The following ERBB4 variants were observed in gnomAD, a reference collection of about 807,000 sequenced individuals.
ERBB4 encodes receptor tyrosine-protein kinase erbB-4.
In ERBB4, 42 loss-of-function variants were observed where a neutral mutation model predicts 158.0. That is an observed-to-expected ratio of 0.27 (90% CI 0.21 to 0.34). The LOEUF is 0.34. Ranked by LOEUF, ERBB4 falls within the 10% of genes least tolerant of loss-of-function variation. The pLI, the probability that ERBB4 is intolerant of heterozygous loss-of-function variation, is 1.00. For missense variants in ERBB4, 1,333 were observed against 1,624.1 expected (o/e 0.82, Z 3.08); for synonymous variants, 583 against 558.7 (o/e 1.04, Z -0.61).
chr2:212,287,674 A>T (rs1056128805), intron 1 of ERBB4, among the ~76,000 whole-genome samples: 5 of 152,168 alleles, frequency 3.3e-5, no homozygotes, highest in Non-Finnish European at 7.3e-5. Flanking sequence ...ATGAAAAAAA[A>T]TAACTGCTTT....
At chr2:212,090,376 T>C (rs1418285804) in intron 2 of ERBB4, among the ~76,000 whole-genome samples, 1 of 152,158 alleles carries the variant, frequency 6.6e-6, no homozygotes, top group East Asian at 1.9e-4. Flanking sequence ...TAATTCTCCC[T>C]TACACACAGG....
intron 1 of ERBB4, among the ~76,000 whole-genome samples, chr2:212,288,730 A>G (rs2086096238): frequency 6.6e-6 from 1 of 152,096 alleles, no homozygotes; most frequent in Admixed American, 6.6e-5. Flanking sequence ...TAGCTCAACT[A>G]AAGACAAAGT....
At chr2:211,875,471 C>T (rs929404026) in intron 3 of ERBB4, among the ~76,000 whole-genome samples, 1 of 152,016 alleles carries the variant, frequency 6.6e-6, no homozygotes, top group African/African-American at 2.4e-5. Flanking sequence ...AAACAAGTAC[C>T]CAAATACAGT....
chr2:212,085,703 C>A (rs1283728440), intron 2 of ERBB4, among the ~76,000 whole-genome samples: 1 of 151,786 alleles, frequency 6.6e-6, no homozygotes, highest in Non-Finnish European at 1.5e-5. Context: ...TCATTAATGT[C>A]ACTTTAAAAC....
chr2:212,262,101 T>A (rs1185204425), intron 1 of ERBB4, among the ~76,000 whole-genome samples: 3 of 152,180 alleles, frequency 2.0e-5, no homozygotes, highest in Non-Finnish European at 4.4e-5. Flanking sequence ...ACTTTTTGGC[T>A]GTGTACTCTG....
At chr2:211,484,257 G>A (rs2065151309) in intron 20 of ERBB4, among the ~76,000 whole-genome samples, 1 of 152,040 alleles carries the variant, frequency 6.6e-6, no homozygotes, top group South Asian at 2.1e-4. Flanking sequence ...GTACACATAG[G>A]GAGAATAGAA....
intron 19 of ERBB4, among the ~76,000 whole-genome samples, chr2:211,601,437 G>A (rs939506439): frequency 1.6e-4 from 25 of 151,782 alleles, no homozygotes; most frequent in Non-Finnish European, 3.1e-4. Context: ...ATAAGTTTCC[G>A]GATTCAAAGT....
intron 5 of ERBB4, among the ~76,000 whole-genome samples, chr2:211,742,353 T>A (rs1289778449): frequency 6.6e-6 from 1 of 152,232 alleles, no homozygotes; most frequent in African/African-American, 2.4e-5. Context: ...AATTTGTCAT[T>A]TTGCTTTCAC....
At chr2:212,271,097 A>G (rs1051627212) in intron 1 of ERBB4, among the ~76,000 whole-genome samples, 1 of 151,822 alleles carries the variant, frequency 6.6e-6, no homozygotes, top group Non-Finnish European at 1.5e-5. Flanking sequence ...AGCAGTTATC[A>G]TATAATACAT....
At chr2:211,873,550 A>AT (rs1255695661) in intron 3 of ERBB4, among the ~76,000 whole-genome samples, 6 of 152,376 alleles carry the variant, frequency 3.9e-5, no homozygotes, top group South Asian at 2.1e-4. Context: ...ACACCTACAT[A>AT]TTTTTTTCCC....
At chr2:212,372,684 G>A (rs1275236686) in intron 1 of ERBB4, among the ~76,000 whole-genome samples, 10 of 152,178 alleles carry the variant, frequency 6.6e-5, no homozygotes, top group African/African-American at 2.4e-4. Flanking sequence ...GGGAGGCAGA[G>A]GTTGCGGTGA....
chr2:212,282,409 T>G (rs137932326), intron 1 of ERBB4, among the ~76,000 whole-genome samples: 188 of 152,048 alleles, frequency 1.2e-3, no homozygotes, highest in African/African-American at 4.4e-3. Context: ...TATTTCTCTT[T>G]ATCACAACTG....
At position 211,477,840 on chromosome 2, in the gene ERBB4, C is replaced by T. The variant is rs572907365; in HGVS notation, c.2488-46740G>A. 3.3e-5 allele frequency among the ~76,000 whole-genome samples: 5 copies of T among 152,138 alleles called. No individual in the cohort carries two copies. In the South Asian group the frequency reaches 1.0e-3, roughly 32 times the overall value. On this transcript the variant is annotated intron_variant, in intron 20 of 27. Coordinates refer to ENST00000342788, the MANE Select transcript of ERBB4 (RefSeq NM_005235.3). ...CTCTTTGCCTTTGTGGAACGACTGA[C>T]CTATTATTTATTAGAATAAGAATAT... is the stretch of plus-strand genomic sequence containing the variant.
At chr2:211,524,700 G>A (rs767091980) in intron 20 of ERBB4, among the ~76,000 whole-genome samples, 21 of 152,052 alleles carry the variant, frequency 1.4e-4, no homozygotes, top group East Asian at 3.9e-4. Flanking sequence ...ACGCCCACCC[G>A]GAACTCCAGC....
At chr2:211,889,848 T>G (rs1179886490) in intron 3 of ERBB4, among the ~76,000 whole-genome samples, 2 of 150,458 alleles carry the variant, frequency 1.3e-5, no homozygotes, top group Non-Finnish European at 3.0e-5. Flanking sequence ...GAAGGGAAGG[T>G]TAGAGAAAAA....
intron 1 of ERBB4, among the ~76,000 whole-genome samples, chr2:212,493,459 A>C (rs963936853): frequency 4.6e-5 from 7 of 151,576 alleles, no homozygotes; most frequent in Admixed American, 6.6e-5. Context: ...AAATATTGCT[A>C]ATATTGTTTA....
intron 1 of ERBB4, among the ~76,000 whole-genome samples, chr2:212,452,009 G>GGTTTTTTTTTTTTT (rs1270328511): frequency 7.2e-6 from 1 of 139,004 alleles, no homozygotes. Flanking sequence ...GAGTGTGCAG[G>GGTTTTTTTTTTTTT]TTTTTTTTTT....
intron 16 of ERBB4, among the ~76,000 whole-genome samples, chr2:211,649,579 A>G (rs1308853381): frequency 6.6e-6 from 1 of 151,906 alleles, no homozygotes; most frequent in Non-Finnish European, 1.5e-5. Context: ...TGCTCTGTTC[A>G]GGAAAAAACA....
rs1436455499 is a variant in ERBB4, at chr2:211,953,485, A to AG, written c.235-5870_235-5869insC. ...TTCTCCAAAAAAAAAAAAAAAAAAA[A>AG]AAGAAGAAGAAGAATGCCCTAGCAA... On this transcript the variant is annotated intron_variant, in intron 2 of 27. Coordinates refer to ENST00000342788, the MANE Select transcript of ERBB4 (RefSeq NM_005235.3). Among the ~76,000 whole-genome samples, 3 of 151,004 alleles carry AG rather than the reference A, an allele frequency of 2.0e-5. No individual in the cohort carries two copies. In the East Asian group the frequency reaches 5.8e-4, roughly 29 times the overall value.
Sources: gnomAD v4.1 joint callset for allele counts (sites outside exome capture counted in the v4.1 genomes callset) on GRCh38, gnomAD v4.1.1 for gene constraint, MANE v1.5 for transcripts, NCBI Gene and HGNC (gene_info 2026-07-23, HGNC 2026-07-21) for gene names.